The following IL15 variants were observed in gnomAD, a reference collection of about 807,000 sequenced individuals.
IL15 encodes interleukin-15.
Under a neutral mutation model 19.6 loss-of-function variants are expected in IL15, and 11 were observed. The observed-to-expected ratio is 0.56, with a 90% CI of 0.35 to 0.93. The LOEUF (loss-of-function observed/expected upper bound fraction) is 0.93. Ranked by LOEUF, IL15 falls within the 40% of genes least tolerant of loss-of-function variation. The pLI, the probability that IL15 is intolerant of heterozygous loss-of-function variation, is 0.01. For synonymous variants in IL15, 58 were observed against 59.6 expected, an observed-to-expected ratio of 0.97 and a Z score of 0.12; for missense variants, 197 against 186.5, an observed-to-expected ratio of 1.06 and a Z score of -0.33.
intron 6 of IL15, among the ~76,000 whole-genome samples, chr4:141,729,478 T>C (rs143922225): frequency 2.0e-5 from 3 of 152,276 alleles, no homozygotes; most frequent in East Asian, 1.9e-4. Flanking sequence ...ACAACACAAT[T>C]TGATTCTAAA....
chr4:141,703,862 C>T (rs186298417), intron 2 of IL15, among the ~76,000 whole-genome samples: 1 of 151,422 alleles, frequency 6.6e-6, no homozygotes, highest in East Asian at 1.9e-4. Context: ...TCCATTTTAG[C>T]TAATTCATTA....
intron 7 of IL15, among the ~76,000 whole-genome samples, chr4:141,732,535 A>G (rs1337800399): frequency 6.6e-6 from 1 of 152,172 alleles, no homozygotes; most frequent in Non-Finnish European, 1.5e-5. Flanking sequence ...AATGTCCTTA[A>G]CCCATTATTG....
At chr4:141,704,790 A>T in intron 2 of IL15, among the ~76,000 whole-genome samples, 1 of 149,728 alleles carries the variant, frequency 6.7e-6, no homozygotes, top group Non-Finnish European at 1.5e-5. Context: ...TTCTTGGTGG[A>T]TTTTCTATTT....
intron 2 of IL15, among the ~76,000 whole-genome samples, chr4:141,704,812 G>T (rs1051148295): frequency 4.0e-5 from 6 of 151,088 alleles, no homozygotes; most frequent in Non-Finnish European, 8.9e-5. Context: ...AATTTTGATA[G>T]GTCATATGTG....
chr4:141,726,517 C>T (rs1232615199), intron 5 of IL15, among the ~76,000 whole-genome samples: 1 of 152,138 alleles, frequency 6.6e-6, no homozygotes, highest in Non-Finnish European at 1.5e-5. Context: ...ATGATACAGG[C>T]ACTGTATAAA....
intron 2 of IL15, chr4:141,717,813 A>G (rs898344240): frequency 6.6e-6 from 1 of 152,074 alleles, no homozygotes; most frequent in Non-Finnish European, 1.5e-5. Flanking sequence ...GGCATGCACT[A>G]TCACACCCGG....
intron 2 of IL15, among the ~76,000 whole-genome samples, chr4:141,660,331 T>C (rs921606147): frequency 6.6e-5 from 10 of 152,236 alleles, no homozygotes; most frequent in Admixed American, 3.3e-4. Flanking sequence ...GTGCATGCTT[T>C]CACTCAAGGC....
intron 2 of IL15, among the ~76,000 whole-genome samples, chr4:141,712,884 A>G (rs1330076338): frequency 1.3e-5 from 2 of 151,858 alleles, no homozygotes; most frequent in Admixed American, 6.6e-5. Flanking sequence ...TGTTTCATTA[A>G]AAAAGATACA....
intron 2 of IL15, among the ~76,000 whole-genome samples, chr4:141,708,828 C>A (rs192005575): frequency 1.3e-5 from 2 of 152,210 alleles, no homozygotes; most frequent in East Asian, 3.9e-4. Flanking sequence ...GTTGGGGGAA[C>A]AAGCACCAGG....
chr4:141,708,189 C>T (rs888665681), intron 2 of IL15, among the ~76,000 whole-genome samples: 1 of 152,182 alleles, frequency 6.6e-6, no homozygotes, highest in African/African-American at 2.4e-5. Context: ...TTGGAAGCTT[C>T]CCTGCTGTGC....
chr4:141,697,599 G>A (rs868553682), intron 2 of IL15, among the ~76,000 whole-genome samples: 4 of 152,014 alleles, frequency 2.6e-5, no homozygotes, highest in Non-Finnish European at 4.4e-5. Context: ...ATTGCTTTTG[G>A]CAATATGGTC....
chr4:141,721,960 C>A lies in IL15; in HGVS notation c.147C>A (p.Asn49Lys), dbSNP rs1560937707. The change falls in exon 5 of 8, where the codon AAC (asparagine) becomes AAA (lysine). Residue 49 changes from asparagine to lysine, a missense_variant. Coordinates refer to ENST00000320650, the MANE Select transcript of IL15 (RefSeq NM_000585.5). ...FSAGLPKTEA[N>K]WVNVISDLKK... ...CAGGGCTTCCTAAAACAGAAGCCAA[C>A]TGGGTGAATGTAATAAGTGATTTGA... 1.3e-6 allele frequency: 2 copies of A among 1,595,898 alleles called. No homozygotes were observed. The highest frequency in any genetic ancestry group is 2.2e-5 in the East Asian group (1 of 44,462).
intron 2 of IL15, among the ~76,000 whole-genome samples, chr4:141,709,914 T>C (rs1259983211): frequency 1.3e-5 from 2 of 152,080 alleles, no homozygotes; most frequent in Admixed American, 6.5e-5. Context: ...TCAACCCTTG[T>C]TCTCCTCCCA....
intron 2 of IL15, among the ~76,000 whole-genome samples, chr4:141,706,722 T>C (rs944426798): frequency 6.6e-6 from 1 of 152,022 alleles, no homozygotes; most frequent in Non-Finnish European, 1.5e-5. Context: ...TTTTTTTTAA[T>C]TTTCAGCACT....
At chr4:141,676,861 T>G (rs1352493886) in intron 2 of IL15, among the ~76,000 whole-genome samples, 2 of 152,018 alleles carry the variant, frequency 1.3e-5, no homozygotes, top group East Asian at 3.9e-4. Context: ...CCAGAGGAAT[T>G]AACAGAAGAC....
chr4:141,681,664 A>G (rs1015851933), intron 2 of IL15, among the ~76,000 whole-genome samples: 3 of 152,200 alleles, frequency 2.0e-5, no homozygotes, highest in Non-Finnish European at 2.9e-5. Context: ...TTCCCATATA[A>G]TTTATGTTTC....
chr4:141,645,279 T>G (rs544312458), intron 1 of IL15, among the ~76,000 whole-genome samples: 13 of 152,130 alleles, frequency 8.5e-5, no homozygotes, highest in Non-Finnish European at 1.8e-4. Context: ...TTAGAAGCCT[T>G]TTGACTAGTT....
At chr4:141,649,171 G>T (rs1161652615) in intron 1 of IL15, among the ~76,000 whole-genome samples, 1 of 151,880 alleles carries the variant, frequency 6.6e-6, no homozygotes, top group Non-Finnish European at 1.5e-5. Flanking sequence ...CTCCTGACTC[G>T]CCTGGTCCAG....
chr4:141,709,922 C>T (rs1266187730), intron 2 of IL15, among the ~76,000 whole-genome samples: 1 of 151,892 alleles, frequency 6.6e-6, no homozygotes, highest in Admixed American at 6.6e-5. Context: ...TGTTCTCCTC[C>T]CACCCTCCCC....
Sources: gnomAD v4.1 joint callset for allele counts (sites outside exome capture counted in the v4.1 genomes callset) on GRCh38, gnomAD v4.1.1 for gene constraint, MANE v1.5 for transcripts, NCBI Gene and HGNC (gene_info 2026-07-23, HGNC 2026-07-21) for gene names.